The following FAM8A1 variants were observed in gnomAD, a reference collection of about 807,000 sequenced individuals.
FAM8A1 encodes the protein family with sequence similarity 8 member A1.
FAM8A1 carries 18 observed loss-of-function variants against 38.3 expected under a neutral mutation model. The ratio of observed to expected loss-of-function variants is 0.47; its 90% CI spans 0.33 to 0.70. The LOEUF is 0.70. Among genes scored for constraint, FAM8A1 ranks in the 30% least tolerant of loss-of-function variants. The pLI is 0.03. For missense variants in FAM8A1, 559 were observed against 559.6 expected, an observed-to-expected ratio of 1.00 and a Z score of 0.01; for synonymous variants, 246 against 234.4, an observed-to-expected ratio of 1.05 and a Z score of -0.45.
At position 17,605,184 on chromosome 6, in the gene FAM8A1, G is replaced by A. The variant is rs1764036617; in HGVS notation, c.957+155G>A. Among the ~76,000 whole-genome samples, 4 of 152,172 alleles carry A rather than the reference G, an allele frequency of 2.6e-5. No individual in the cohort carries two copies. The East Asian group carries it at 7.7e-4, about 29-fold the overall frequency. ...CAACCTCTGCCTCCTGAGTTCAAGT[G>A]ATTCTCCTGTCTCAGCCTCCTGAGT... On this transcript the variant is annotated intron_variant, in intron 3 of 4. Coordinates refer to ENST00000259963, the MANE Select transcript of FAM8A1 (RefSeq NM_016255.3).
intron 3 of FAM8A1, among the ~76,000 whole-genome samples, chr6:17,605,660 C>A (rs1764042743): frequency 6.6e-6 from 1 of 152,128 alleles, no homozygotes; most frequent in East Asian, 1.9e-4. Context: ...GTATAGTAGT[C>A]ATAGAGAAAT....
Position 17,600,734 on chromosome 6 carries a change from A to T in FAM8A1, c.325A>T (p.Ser109Cys). The T allele has an allele frequency of 6.4e-7, 1 of 1,571,234 alleles. No homozygotes were observed. The change falls in exon 1 of 5, where the codon AGC becomes TGC. Residue 109 changes from serine to cysteine, a missense_variant. By Grantham distance (112) the Ser-to-Cys change is moderately radical. This residue lies in a region of FAM8A1 where 393 missense variants were observed against 338.9 expected (regional missense o/e 1.16). Coordinates refer to ENST00000259963, the MANE Select transcript of FAM8A1 (RefSeq NM_016255.3). ...AAPRERPARL[S>C]AREYSRQVHE... ...GCCACGAGAGAGACCAGCTCGGCTGAGCGCCCGCGAGTACTCCCGGCAAGT... is the reference window on the plus strand; with the variant it reads ...GCCACGAGAGAGACCAGCTCGGCTGTGCGCCCGCGAGTACTCCCGGCAAGT...
Position 17,608,420 on chromosome 6 carries a change from G to A in FAM8A1, c.*81G>A. ...TCAGTATCCCTGGGTTACACTAATTGATGATTTAGAAATTAAAGCAGTCAC... is the reference window on the plus strand; with the variant it reads ...TCAGTATCCCTGGGTTACACTAATTAATGATTTAGAAATTAAAGCAGTCAC... On this transcript the variant is annotated 3_prime_UTR_variant, in exon 5 of 5. Transcript: ENST00000259963. 2.1e-6 allele frequency: 3 copies of A among 1,463,000 alleles called. No individual in the cohort carries two copies. The South Asian group carries it at 4.3e-5, about 21-fold the overall frequency. 90.6% of individuals were successfully genotyped at this position (1,463,000 alleles called of 1,614,324 possible).
rs548787176 is a variant in FAM8A1, at chr6:17,608,399, T to A, written c.*60T>A. ...CTAAATTATGTATCAAGGCCATCAG[T>A]ATCCCTGGGTTACACTAATTGATGA... is the stretch of plus-strand genomic sequence containing the variant. On this transcript the variant is annotated 3_prime_UTR_variant, in exon 5 of 5. Transcript: ENST00000259963. 1 of 1,552,344 alleles carries A rather than the reference T, an allele frequency of 6.4e-7. No individual in the cohort carries two copies. Among genetic ancestry groups the A allele is most frequent in the Admixed American group, 1.9e-5 (1 of 52,228 alleles).
At chr6:17,607,474 A>ATATACTATAGGTAGTATCTG (rs1764071066) in intron 4 of FAM8A1, among the ~76,000 whole-genome samples, 1 of 111,580 alleles carries the variant, frequency 9.0e-6, no homozygotes, top group Non-Finnish European at 2.0e-5. Flanking sequence ...GTCTCTATCT[A>ATATACTATAGGTAGTATCTG]TATACTATAG....
intron 2 of FAM8A1, among the ~76,000 whole-genome samples, chr6:17,604,668 A>C (rs934407300): frequency 2.0e-5 from 3 of 152,134 alleles, no homozygotes; most frequent in African/African-American, 7.2e-5. Flanking sequence ...CCACGAAAGC[A>C]GGGACCGTGT....
intron 2 of FAM8A1, 114 bp from the exon 3 acceptor site, chr6:17,604,792 A>G (rs1359701528): frequency 2.5e-6 from 2 of 805,540 alleles, no homozygotes; most frequent in South Asian, 1.8e-5. Flanking sequence ...TTGGGAATCT[A>G]AAGATTAGTT....
At chr6:17,608,169 CT>C in intron 4 of FAM8A1, 25 bp from the exon 5 acceptor site, 1 of 1,611,374 alleles carries the variant, frequency 6.2e-7, no homozygotes, top group Non-Finnish European at 8.5e-7. Context: ...TGTAACTTAC[CT>C]GATATTTTTG....
rs1764093890 is a variant in FAM8A1 at position 17,608,723 on chromosome 6, T to C, written c.*384T>C. On this transcript the variant is annotated 3_prime_UTR_variant, in exon 5 of 5. Coordinates refer to ENST00000259963, the MANE Select transcript of FAM8A1 (RefSeq NM_016255.3). ...CAAAATAATGGAAAATGTCCAGTTG[T>C]GTTTTGTAAACACCTATGTAACTCA... 6.4e-6 allele frequency: 1 copy of C among 155,800 alleles called. No homozygotes were observed. Among genetic ancestry groups the C allele is most frequent in the Non-Finnish European group, 1.4e-5 (1 of 70,572 alleles). The allele number at this position is 155,800 out of a possible 1,614,324, so 9.7% of individuals were successfully genotyped here.
At chr6:17,605,321 C>T (rs1425168958) in intron 3 of FAM8A1, among the ~76,000 whole-genome samples, 1 of 152,224 alleles carries the variant, frequency 6.6e-6, no homozygotes, top group African/African-American at 2.4e-5. Context: ...CCTCAGTGAT[C>T]TGCCCACCTT....
chr6:17,606,076 T>G, intron 4 of FAM8A1, 63 bp downstream of exon 4: 1 of 1,310,062 alleles, frequency 7.6e-7, no homozygotes, highest in Non-Finnish European at 1.0e-6. Context: ...TTTAGAATAT[T>G]GGGGTTTTTT....
rs1157257205 is a variant in FAM8A1 at position 17,610,203 on chromosome 6, C to CTCAA, written c.*1868_*1871dup. On this transcript the variant is annotated 3_prime_UTR_variant, in exon 5 of 5. Coordinates refer to ENST00000259963, the MANE Select transcript of FAM8A1 (RefSeq NM_016255.3). ...CTGGGGAATTCAAGTTGAAATGTCCCTCAATCATATAGGTCTGGAATACAT... is the reference window on the plus strand; with the variant it reads ...CTGGGGAATTCAAGTTGAAATGTCCCTCAATCAATCATATAGGTCTGGAATACAT... 2.0e-5 allele frequency: 3 copies of CTCAA among 152,090 alleles called. No homozygotes were observed. Among genetic ancestry groups the CTCAA allele is most frequent in the African/African-American group, 7.2e-5 (3 of 41,426 alleles). 9.4% of individuals were successfully genotyped at this position (152,090 alleles called of 1,614,324 possible). A position where few individuals can be genotyped will look rare whatever the true frequency, so the allele number is the denominator to read the frequency against.
chr6:17,601,026 C>A lies in FAM8A1; in HGVS notation c.617C>A (p.Ala206Asp). 1.3e-6 allele frequency: 2 copies of A among 1,588,612 alleles called. No homozygotes were observed. The highest frequency in any genetic ancestry group is 8.5e-7 in the Non-Finnish European group (1 of 1,170,326). The part of the protein sequence containing the change: ...PAPVAGLGPR[A>D]PHVQASVRAT... Reference sequence around the variant, plus strand: ...CCAGTCGCGGGCCTGGGACCCCGGGCTCCTCACGTGCAGGCGTCGGTCCGG... The same window carrying A: ...CCAGTCGCGGGCCTGGGACCCCGGGATCCTCACGTGCAGGCGTCGGTCCGG... The change falls in exon 1 of 5, where the codon GCT becomes GAT. Residue 206 changes from alanine to aspartate, a missense_variant. Physicochemically the swap from Ala to Asp is moderately radical, Grantham distance 126. Coordinates refer to ENST00000259963, the MANE Select transcript of FAM8A1 (RefSeq NM_016255.3).
In FAM8A1 at chr6:17,608,443, C is replaced by T; in HGVS notation, c.*104C>T. ...TTGATGATTTAGAAATTAAAGCAGT[C>T]ACTCCAGTGTGATGCAGGTGACTAC... On this transcript the variant is annotated 3_prime_UTR_variant, in exon 5 of 5. Transcript: ENST00000259963. 5 of 1,339,954 alleles carry T rather than the reference C, an allele frequency of 3.7e-6. No individual in the cohort carries two copies. Among genetic ancestry groups the T allele is most frequent in the East Asian group, 2.4e-5 (1 of 41,474 alleles). 83.0% of individuals were successfully genotyped at this position (1,339,954 alleles called of 1,614,324 possible).
chr6:17,603,278 G>C (rs1306413311), intron 2 of FAM8A1, among the ~76,000 whole-genome samples: 4 of 152,174 alleles, frequency 2.6e-5, no homozygotes, highest in African/African-American at 9.7e-5. Flanking sequence ...ACTTCTTTAT[G>C]TGGATTCTTA....
At chr6:17,607,412 T>TA (rs1764069358) in intron 4 of FAM8A1, among the ~76,000 whole-genome samples, 1 of 151,316 alleles carries the variant, frequency 6.6e-6, no homozygotes, top group African/African-American at 2.5e-5. Flanking sequence ...AACAACCTCA[T>TA]AAGATAGAGA....
At chr6:17,606,386 G>C (rs1764053809) in intron 4 of FAM8A1, among the ~76,000 whole-genome samples, 1 of 152,050 alleles carries the variant, frequency 6.6e-6, no homozygotes, top group South Asian at 2.1e-4. Context: ...ATTTTTAGTA[G>C]GGACGGGGTT....
Position 17,604,770 on chromosome 6 carries a change from G to T in FAM8A1, c.834-136G>T, listed in dbSNP as rs544402480. ...TTGAATAAACTAATGAATGCTTTAT[G>T]ATACTAGATGGTTGGGAATCTAAAG... On this transcript the variant is annotated intron_variant, in intron 2 of 4. Coordinates refer to ENST00000259963, the MANE Select transcript of FAM8A1 (RefSeq NM_016255.3). 787 of 641,876 alleles carry T rather than the reference G, an allele frequency of 1.2e-3. 3 individuals are homozygous for T. Among genetic ancestry groups the T allele is most frequent in the Non-Finnish European group, 1.9e-3 (743 of 390,982 alleles). 39.8% of individuals were successfully genotyped at this position (641,876 alleles called of 1,614,324 possible).
rs1036222510 is a variant in FAM8A1, at chr6:17,600,352, A to C, written c.-58A>C. ...GTGACGGGGCTGTTGGGGAGGGGCC[A>C]TTGGGGGAGGGAAACGGAGCAGTGA... On this transcript the variant is annotated 5_prime_UTR_variant, in exon 1 of 5. Transcript: ENST00000259963. 7 of 1,330,912 alleles carry C rather than the reference A, an allele frequency of 5.3e-6. No individual in the cohort carries two copies. The highest frequency in any genetic ancestry group is 6.7e-6 in the Non-Finnish European group (7 of 1,038,950). The allele number at this position is 1,330,912 out of a possible 1,614,324, so 82.4% of individuals were successfully genotyped here. A position where few individuals can be genotyped will look rare whatever the true frequency, so the allele number is the denominator to read the frequency against.
Sources: allele counts gnomAD v4.1 joint callset (sites outside exome capture counted in the v4.1 genomes callset), GRCh38; gene constraint gnomAD v4.1.1; regional missense constraint gnomAD v4.1.1; transcripts MANE v1.5; gene names NCBI Gene and HGNC (gene_info 2026-07-23, HGNC 2026-07-21).